The following SUMO2 variants were observed in gnomAD, a reference collection of about 807,000 sequenced individuals.
SUMO2 encodes the protein small ubiquitin like modifier 2.
SUMO2 carries 1 observed loss-of-function variant against 16.0 expected under a neutral mutation model. The observed-to-expected ratio is 0.06, with a 90% CI of 0.02 to 0.30. SUMO2 has a LOEUF of 0.30. SUMO2 is among the 10% of genes least tolerant of loss of function. The pLI is 1.00. For synonymous variants in SUMO2, 36 were observed against 40.6 expected (o/e 0.89, Z 0.43); for missense variants, 16 against 117.5 (o/e 0.14, Z 3.99).
chr17:75,172,752 G>C (rs1358422164), intron 3 of SUMO2, among the ~76,000 whole-genome samples: 2 of 152,030 alleles, frequency 1.3e-5, no homozygotes, highest in Non-Finnish European at 2.9e-5. Flanking sequence ...TGGGATCACA[G>C]GCATGAGCCA....
At chr17:75,170,907 T>C (rs561004353) in intron 3 of SUMO2, among the ~76,000 whole-genome samples, 33 of 148,918 alleles carry the variant, frequency 2.2e-4, no homozygotes, top group Middle Eastern at 7.0e-3. Flanking sequence ...AGATATTAAA[T>C]ACCATATAGC....
chr17:75,177,598 C>A (rs1175944971), intron 2 of SUMO2, among the ~76,000 whole-genome samples: 1 of 151,824 alleles, frequency 6.6e-6, no homozygotes, highest in Non-Finnish European at 1.5e-5. Context: ...AGGAGAATCA[C>A]TGGAACCTGG....
At chr17:75,175,313 A>AT (rs994369984) in intron 2 of SUMO2, among the ~76,000 whole-genome samples, 4 of 146,484 alleles carry the variant, frequency 2.7e-5, no homozygotes, top group Non-Finnish European at 4.5e-5. Context: ...AAGATGTAGT[A>AT]TTTTTTTTCC....
At position 75,167,960 on chromosome 17, in the gene SUMO2, G is replaced by T. The variant is rs1000021233; in HGVS notation, c.*379C>A. On this transcript the variant is annotated 3_prime_UTR_variant, in exon 4 of 4. Transcript: ENST00000420826. ...GGTATGCAAGGATTTTTATGTTGTT[G>T]TTTTTTTTTTTTGTTAAAACAGTGA... 8 of 150,844 alleles carry T rather than the reference G, an allele frequency of 5.3e-5. No homozygotes were observed. Among genetic ancestry groups the T allele is most frequent in the Non-Finnish European group, 7.2e-5 (5 of 69,880 alleles). The allele number at this position is 150,844 out of a possible 1,614,324, so 9.3% of individuals were successfully genotyped here.
chr17:75,181,005 AG>A, intron 2 of SUMO2, 51 bp downstream of exon 2: 2 of 1,604,114 alleles, frequency 1.2e-6, no homozygotes, highest in Non-Finnish European at 1.7e-6. Context: ...CATGAAAATA[AG>A]ATTTTTAAAA....
intron 2 of SUMO2, among the ~76,000 whole-genome samples, chr17:75,179,379 T>C (rs2074808736): frequency 6.6e-6 from 1 of 151,856 alleles, no homozygotes; most frequent in Admixed American, 6.6e-5. Context: ...AATACAAAAA[T>C]TAGCTGGGCG....
At chr17:75,173,269 C>T (rs1568046422) in intron 3 of SUMO2, among the ~76,000 whole-genome samples, 1 of 151,704 alleles carries the variant, frequency 6.6e-6, no homozygotes, top group South Asian at 2.1e-4. Flanking sequence ...ACTCAAGCAC[C>T]CCTCCCACTA....
intron 3 of SUMO2, among the ~76,000 whole-genome samples, chr17:75,168,962 G>C (rs1012342851): frequency 6.6e-6 from 1 of 150,912 alleles, no homozygotes; most frequent in Non-Finnish European, 1.5e-5. Flanking sequence ...GCTCATGCCT[G>C]TAATCCCAGT....
At chr17:75,175,325 T>C (rs2145221548) in intron 2 of SUMO2, among the ~76,000 whole-genome samples, 1 of 151,674 alleles carries the variant, frequency 6.6e-6, no homozygotes, top group Middle Eastern at 3.4e-3. Context: ...TTTTTTTCCT[T>C]TTCTTTTTTT....
chr17:75,179,004 G>A (rs1462795111), intron 2 of SUMO2, among the ~76,000 whole-genome samples: 2 of 152,122 alleles, frequency 1.3e-5, no homozygotes, highest in African/African-American at 4.8e-5. Context: ...TGTCCAGACT[G>A]GTCTTCCAGC....
At position 75,174,769 on chromosome 17, in the gene SUMO2, T is replaced by C. The variant is rs773308710; in HGVS notation, c.208A>G (p.Thr70Ala). 1.5e-5 allele frequency: 24 copies of C among 1,613,854 alleles called. No individual in the cohort carries two copies. Among genetic ancestry groups the C allele is most frequent in the Non-Finnish European group, 1.7e-5 (20 of 1,179,948 alleles). ...TTTTTTACCTGTGCAGGTGTGTCTG[T>C]TTCATTGATTGGTTGCCCGTCAAAT... is the stretch of plus-strand genomic sequence containing the variant. ...FRFDGQPINETDTPAQLEMED... is the reference protein window; with the variant it reads ...FRFDGQPINEADTPAQLEMED... The change falls in exon 3 of 4, where the codon ACA (threonine) becomes GCA (alanine). Residue 70 changes from threonine to alanine, a missense_variant. Transcript: ENST00000420826.
intron 2 of SUMO2, among the ~76,000 whole-genome samples, chr17:75,178,615 C>G (rs186265475): frequency 1.1e-4 from 16 of 152,246 alleles, no homozygotes; most frequent in African/African-American, 3.6e-4. Flanking sequence ...GTCACCCACA[C>G]TGGAGTGCAG....
At chr17:75,178,887 G>T (rs548181624) in intron 2 of SUMO2, among the ~76,000 whole-genome samples, 4 of 150,600 alleles carry the variant, frequency 2.7e-5, no homozygotes, top group Non-Finnish European at 4.4e-5. Flanking sequence ...ACTGGAAGGC[G>T]GAGGATGCAG....
At chr17:75,176,379 G>A (rs2074782615) in intron 2 of SUMO2, among the ~76,000 whole-genome samples, 1 of 152,082 alleles carries the variant, frequency 6.6e-6, no homozygotes, top group African/African-American at 2.4e-5. Context: ...CAACACTTTA[G>A]GAGACCAAGG....
At chr17:75,180,946 T>C in intron 2 of SUMO2, 111 bp downstream of exon 2, 3 of 1,285,866 alleles carry the variant, frequency 2.3e-6, no homozygotes, top group Non-Finnish European at 1.1e-6. Flanking sequence ...CAAGTGCATA[T>C]TCATCCCATC....
intron 2 of SUMO2, among the ~76,000 whole-genome samples, chr17:75,180,133 G>A (rs7225227): frequency 0.062 from 9,368 of 151,640 alleles, 807 homozygotes; most frequent in African/African-American, 0.18. Context: ...TTGAGGTCAG[G>A]AGTTGAGGTC....
In SUMO2 at chr17:75,171,406, C is replaced by T. The variant is rs556266029; in HGVS notation, c.226-3005G>A. On this transcript the variant is annotated intron_variant, in intron 3 of 3. Coordinates refer to ENST00000420826, the MANE Select transcript of SUMO2 (RefSeq NM_006937.4). ...GTGGGCGCCTGTAATCCCAGCTACT[C>T]GGGAAGCTGAGGCAGGAGAATCGCT... is the stretch of plus-strand genomic sequence containing the variant. Among the ~76,000 whole-genome samples the T allele has an allele frequency of 7.5e-4, 114 of 151,650 alleles. 1 individual carries two copies. The highest frequency in any genetic ancestry group is 1.3e-3 in the Non-Finnish European group (87 of 67,874).
rs1056323068 is a variant in SUMO2 at position 75,166,279 on chromosome 17, C to T, written c.*2060G>A. 1 of 152,104 alleles carries T rather than the reference C, an allele frequency of 6.6e-6. No individual in the cohort carries two copies. Among genetic ancestry groups the T allele is most frequent in the African/African-American group, 2.4e-5 (1 of 41,386 alleles). 9.4% of individuals were successfully genotyped at this position (152,104 alleles called of 1,614,324 possible). On this transcript the variant is annotated 3_prime_UTR_variant, in exon 4 of 4. Coordinates refer to ENST00000420826, the MANE Select transcript of SUMO2 (RefSeq NM_006937.4). ...TCACCTGAGGTCGGGAGGTGGAGAC[C>T]AGCCTGACCAACATAGAGAAACCCC...
intron 3 of SUMO2, among the ~76,000 whole-genome samples, chr17:75,169,974 G>A (rs571211298): frequency 1.0e-3 from 159 of 151,804 alleles, no homozygotes; most frequent in African/African-American, 2.7e-3. Context: ...GGCCAAAATG[G>A]TGAAACCCAG....
Sources: gnomAD v4.1 joint callset for allele counts (sites outside exome capture counted in the v4.1 genomes callset) on GRCh38, gnomAD v4.1.1 for gene constraint, MANE v1.5 for transcripts, NCBI Gene and HGNC (gene_info 2026-07-23, HGNC 2026-07-21) for gene names.